ACYP2: variants seen among roughly 807,000 people sequenced by gnomAD.
ACYP2 encodes the protein acylphosphatase 2.
ACYP2 carries 12 observed loss-of-function variants against 11.2 expected under a neutral mutation model. The ratio of observed to expected loss-of-function variants is 1.08; its 90% CI spans 0.69 to 1.74. The LOEUF (loss-of-function observed/expected upper bound fraction) is 1.74, where lower values mean the gene tolerates loss of function less well. Ranked by LOEUF, ACYP2 falls within the 40% of genes most tolerant of loss-of-function variation. ACYP2 has a pLI of 0.00. For missense variants in ACYP2, 134 were observed against 101.9 expected, an observed-to-expected ratio of 1.31 and a Z score of -1.35; for synonymous variants, 43 against 32.2, an observed-to-expected ratio of 1.33 and a Z score of -1.13.
rs576832212 is a variant in ACYP2 at position 54,052,445 on chromosome 2, C to T, written c.155+1395C>T. On this transcript the variant is annotated intron_variant, in intron 3 of 6. Coordinates refer to ENST00000607452, the MANE Select transcript of ACYP2 (RefSeq NM_001320586.2). ...GGCATGGAAATTTAAAGCAGGTTCT[C>T]CTTGGCGCACAGCACAAATTATATA... Among the ~76,000 whole-genome samples the T allele has an allele frequency of 3.0e-4, 45 of 152,032 alleles. 1 individual carries two copies. In the East Asian group the frequency reaches 8.7e-3, roughly 29 times the overall value.
At chr2:54,289,627 C>T (rs1413957336) in intron 6 of ACYP2, among the ~76,000 whole-genome samples, 1 of 151,950 alleles carries the variant, frequency 6.6e-6, no homozygotes, top group Non-Finnish European at 1.5e-5. Flanking sequence ...GAGCATTTAA[C>T]ACATTTGTGC....
At chr2:54,065,083 C>CTAAAAAAA (rs1676672306) in intron 4 of ACYP2, among the ~76,000 whole-genome samples, 1 of 148,816 alleles carries the variant, frequency 6.7e-6, no homozygotes, top group Non-Finnish European at 1.5e-5. Context: ...GACTCCATCT[C>CTAAAAAAA]TAAATAAATA....
intron 6 of ACYP2, among the ~76,000 whole-genome samples, chr2:54,201,654 C>CTTTCT (rs1438493080): frequency 1.5e-5 from 1 of 66,700 alleles, no homozygotes; most frequent in Non-Finnish European, 3.5e-5. Context: ...TTCTTTCTTT[C>CTTTCT]TTTCTTTCTT....
At chr2:54,183,951 G>C (rs772224221) in intron 6 of ACYP2, among the ~76,000 whole-genome samples, 6 of 152,180 alleles carry the variant, frequency 3.9e-5, no homozygotes, top group Non-Finnish European at 8.8e-5. Flanking sequence ...TCACATTTAA[G>C]AGTAATGCGA....
chr2:54,228,127 A>C (rs1686086062), intron 6 of ACYP2, among the ~76,000 whole-genome samples: 1 of 152,240 alleles, frequency 6.6e-6, no homozygotes, highest in Non-Finnish European at 1.5e-5. Context: ...AATGAATTTC[A>C]ATCCCTTATT....
chr2:54,082,620 A>G (rs1191501673), intron 4 of ACYP2: 1 of 152,106 alleles, frequency 6.6e-6, no homozygotes, highest in African/African-American at 2.4e-5. Context: ...TTTTTAAACC[A>G]TTTCTGCATT....
At chr2:54,118,596 A>G (rs1367477334) in intron 4 of ACYP2, among the ~76,000 whole-genome samples, 1 of 152,244 alleles carries the variant, frequency 6.6e-6, no homozygotes, top group Non-Finnish European at 1.5e-5. Flanking sequence ...GTTATCTGCT[A>G]TTACATTATA....
chr2:54,294,137 A>C (rs1262731415), intron 6 of ACYP2, among the ~76,000 whole-genome samples: 1 of 152,160 alleles, frequency 6.6e-6, no homozygotes, highest in African/African-American at 2.4e-5. Flanking sequence ...ACCCCACTTT[A>C]GTCCCAGGGA....
intron 2 of ACYP2, among the ~76,000 whole-genome samples, chr2:54,003,253 C>A (rs558982519): frequency 6.9e-4 from 104 of 151,714 alleles, no homozygotes; most frequent in East Asian, 1.6e-3. Context: ...CAGCCGAGCT[C>A]GCTTATTTAT....
chr2:54,089,744 C>T (rs996826233), intron 4 of ACYP2, among the ~76,000 whole-genome samples: 1 of 150,936 alleles, frequency 6.6e-6, no homozygotes, highest in Non-Finnish European at 1.5e-5. Context: ...GGTCCCAAAA[C>T]CAAACAGCAA....
At chr2:54,293,090 G>A (rs890057380) in intron 6 of ACYP2, among the ~76,000 whole-genome samples, 3 of 152,068 alleles carry the variant, frequency 2.0e-5, no homozygotes, top group African/African-American at 2.4e-5. Flanking sequence ...AATCGTCACC[G>A]CAACTCTGTG....
chr2:54,144,178 G>A (rs1362989145), intron 6 of ACYP2, among the ~76,000 whole-genome samples: 1 of 151,672 alleles, frequency 6.6e-6, no homozygotes, highest in Non-Finnish European at 1.5e-5. Context: ...TCATTACGTT[G>A]CCCAGGCTGG....
intron 6 of ACYP2, among the ~76,000 whole-genome samples, chr2:54,139,522 T>C (rs1047449505): frequency 1.3e-5 from 2 of 152,186 alleles, no homozygotes; most frequent in African/African-American, 4.8e-5. Flanking sequence ...CTTTGTAGTC[T>C]TTTTTCTTTT....
chr2:54,128,394 G>T (rs754775659), intron 4 of ACYP2, among the ~76,000 whole-genome samples: 1 of 151,998 alleles, frequency 6.6e-6, no homozygotes, highest in Non-Finnish European at 1.5e-5. Context: ...TTGGCTGGAG[G>T]TAGTGGCTCA....
rs564603751 is a variant in ACYP2, at chr2:54,201,434, AAG to A, written c.404+62689_404+62690del. ...CTCTTTGTTTTAATTGTCGAATAGTAAGAGTTCTTTATATATTTTGAATACTA... is the reference window on the plus strand; with the variant it reads ...CTCTTTGTTTTAATTGTCGAATAGTAAGTTCTTTATATATTTTGAATACTA... On this transcript the variant is annotated intron_variant, in intron 6 of 6. Transcript: ENST00000607452. 3.2e-3 allele frequency among the ~76,000 whole-genome samples: 492 copies of A among 152,058 alleles called. 6 individuals are homozygous for A. Among genetic ancestry groups the A allele is most frequent in the African/African-American group, 0.011 (468 of 41,494 alleles).
chr2:54,219,591 T>C (rs967045569), intron 6 of ACYP2, among the ~76,000 whole-genome samples: 2 of 152,124 alleles, frequency 1.3e-5, no homozygotes, highest in Non-Finnish European at 2.9e-5. Flanking sequence ...ATGTTATATC[T>C]CCTACCCTGT....
intron 2 of ACYP2, among the ~76,000 whole-genome samples, chr2:54,001,447 G>T (rs1312727795): frequency 1.3e-5 from 2 of 152,178 alleles, no homozygotes; most frequent in African/African-American, 4.8e-5. Context: ...AGGTTGAAGT[G>T]CAGTGGTGTG....
intron 2 of ACYP2, among the ~76,000 whole-genome samples, chr2:53,979,625 C>T (rs1472397165): frequency 1.5e-5 from 2 of 132,088 alleles, no homozygotes; most frequent in Admixed American, 1.5e-4. Flanking sequence ...GACTCTGTCT[C>T]AAAAATAAAA....
intron 6 of ACYP2, among the ~76,000 whole-genome samples, chr2:54,219,881 G>GTGTGTATATATATATA (rs1222539416): frequency 6.0e-5 from 6 of 99,476 alleles, no homozygotes; most frequent in Admixed American, 1.2e-4. Context: ...GTGTGTGTGT[G>GTGTGTATATATATATA]TATATATATA....
Sources: gnomAD v4.1 joint callset for allele counts (sites outside exome capture counted in the v4.1 genomes callset) on GRCh38, gnomAD v4.1.1 for gene constraint, MANE v1.5 for transcripts, NCBI Gene and HGNC (gene_info 2026-07-23, HGNC 2026-07-21) for gene names.